AMBRA1: variants seen among roughly 807,000 people sequenced by gnomAD.
The protein encoded by AMBRA1 is activating molecule in BECN1-regulated autophagy protein 1.
In AMBRA1, 47 loss-of-function variants were observed where a neutral mutation model predicts 125.4. That is an observed-to-expected ratio of 0.37 (90% CI 0.30 to 0.48). The LOEUF is 0.48. AMBRA1 is among the 20% of genes least tolerant of loss of function. AMBRA1 has a pLI of 0.99. For missense variants in AMBRA1, 1,331 were observed against 1,693.4 expected (o/e 0.79, Z 3.76); for synonymous variants, 626 against 655.5 (o/e 0.95, Z 0.69).
chr11:46,547,727 T>A (rs1456188703), intron 3 of AMBRA1, 90 bp downstream of exon 3: 6 of 1,322,092 alleles, frequency 4.5e-6, no homozygotes, highest in Non-Finnish European at 5.3e-6. Flanking sequence ...TCAGAGAGAC[T>A]TTAGGGACTG....
chr11:46,476,182 C>T (rs1949804514), intron 11 of AMBRA1, among the ~76,000 whole-genome samples: 1 of 152,214 alleles, frequency 6.6e-6, no homozygotes, highest in African/African-American at 2.4e-5. Flanking sequence ...GAGGGGAAAT[C>T]AGCCAGTCAG....
At position 46,396,471 on chromosome 11, in the gene AMBRA1, G is replaced by GACTA. The variant is rs1945471200; in HGVS notation, c.*975_*978dup. The stretch of plus-strand genomic sequence containing the variant: ...TTTGGTGTTTCCCTCATTAGCTGTA[G>GACTA]ACTATCCCCTCTCCTCCCACCACAA... On this transcript the variant is annotated 3_prime_UTR_variant, in exon 18 of 18. Coordinates refer to ENST00000683756, the MANE Select transcript of AMBRA1 (RefSeq NM_001387011.1). 1 of 152,394 alleles carries GACTA rather than the reference G, an allele frequency of 6.6e-6. No homozygotes were observed. Among genetic ancestry groups the GACTA allele is most frequent in the Admixed American group, 6.6e-5 (1 of 15,264 alleles). 9.4% of individuals were successfully genotyped at this position (152,394 alleles called of 1,614,324 possible). A position where few individuals can be genotyped will look rare whatever the true frequency, so the allele number is the denominator to read the frequency against.
chr11:46,562,858 T>C (rs2043383643), intron 1 of AMBRA1, among the ~76,000 whole-genome samples: 1 of 151,674 alleles, frequency 6.6e-6, no homozygotes, highest in South Asian at 2.1e-4. Context: ...TGGAGTGCAA[T>C]GGCATGATCT....
chr11:46,482,052 T>C (rs1301630610), intron 11 of AMBRA1, among the ~76,000 whole-genome samples: 2 of 152,252 alleles, frequency 1.3e-5, no homozygotes, highest in African/African-American at 4.8e-5. Context: ...TCAGGTAATG[T>C]GATGTGATGT....
At chr11:46,548,126 A>G in intron 2 of AMBRA1, 120 bp downstream of exon 2, 1 of 1,420,234 alleles carries the variant, frequency 7.0e-7, no homozygotes, top group Non-Finnish European at 9.6e-7. Flanking sequence ...CCTAAGTCAG[A>G]TATGTCAACT....
At chr11:46,550,877 G>C (rs1306030213) in intron 1 of AMBRA1, among the ~76,000 whole-genome samples, 1 of 150,002 alleles carries the variant, frequency 6.7e-6, no homozygotes, top group African/African-American at 2.5e-5. Flanking sequence ...GCGAGGTCAG[G>C]AGATCGAGAC....
chr11:46,482,632 T>A (rs1950115294), intron 11 of AMBRA1, among the ~76,000 whole-genome samples: 1 of 152,176 alleles, frequency 6.6e-6, no homozygotes, highest in Admixed American at 6.5e-5. Context: ...TAGCTTTCCC[T>A]TGTTCCTTTG....
At chr11:46,421,212 T>C (rs1394669066) in intron 14 of AMBRA1, among the ~76,000 whole-genome samples, 1 of 152,164 alleles carries the variant, frequency 6.6e-6, no homozygotes, top group Admixed American at 6.5e-5. Context: ...ACCCCCGGGT[T>C]GTTGCTAGCC....
chr11:46,516,713 G>A (rs1285308424), intron 7 of AMBRA1, among the ~76,000 whole-genome samples: 8 of 152,102 alleles, frequency 5.3e-5, no homozygotes, highest in East Asian at 3.9e-4. Flanking sequence ...GATTACAGGC[G>A]TGACCCACTG....
intron 11 of AMBRA1, among the ~76,000 whole-genome samples, chr11:46,444,313 C>T (rs907001507): frequency 6.6e-6 from 1 of 152,168 alleles, no homozygotes; most frequent in Non-Finnish European, 1.5e-5. Flanking sequence ...CTTGTAACAT[C>T]TCCAGGTTTA....
At chr11:46,480,847 T>C (rs1021542457) in intron 11 of AMBRA1, among the ~76,000 whole-genome samples, 1 of 152,220 alleles carries the variant, frequency 6.6e-6, no homozygotes, top group Non-Finnish European at 1.5e-5. Context: ...AAAATTTCAC[T>C]GCCATCCAAC....
chr11:46,547,465 A>G, intron 3 of AMBRA1, 169 bp from the exon 4 acceptor site: 1 of 644,480 alleles, frequency 1.6e-6, no homozygotes, highest in Non-Finnish European at 2.5e-6. Context: ...TCTGATCTTT[A>G]AAAGCTTTTG....
chr11:46,583,650 TCCAAAAAAAAAAA>T (rs1326947535), intron 1 of AMBRA1, among the ~76,000 whole-genome samples: 15 of 18,070 alleles, frequency 8.3e-4, no homozygotes, highest in Admixed American at 3.9e-3. Flanking sequence ...CAAACAAATT[TCCAAAAAAAAAAA>T]AAAAAAAAAA....
At chr11:46,442,114 A>C (rs1417069091) in intron 12 of AMBRA1, among the ~76,000 whole-genome samples, 1 of 150,820 alleles carries the variant, frequency 6.6e-6, no homozygotes, top group Non-Finnish European at 1.5e-5. Flanking sequence ...GGGACTACAG[A>C]TGTACGCCAC....
At chr11:46,572,058 T>A (rs2043782397) in intron 1 of AMBRA1, among the ~76,000 whole-genome samples, 1 of 152,138 alleles carries the variant, frequency 6.6e-6, no homozygotes, top group Admixed American at 6.5e-5. Flanking sequence ...ATCCCAGGAC[T>A]TTGCGAGGCC....
chr11:46,528,581 T>C (rs1952079911), intron 7 of AMBRA1, among the ~76,000 whole-genome samples: 1 of 152,160 alleles, frequency 6.6e-6, no homozygotes, highest in Admixed American at 6.5e-5. Context: ...CCTAAAGTTA[T>C]CAAACTCACA....
At chr11:46,545,807 G>C (rs898286303) in intron 4 of AMBRA1, 31 bp from the exon 5 acceptor site, 3 of 1,607,642 alleles carry the variant, frequency 1.9e-6, no homozygotes, top group African/African-American at 1.3e-5. Context: ...GATATTCTCA[G>C]GTTACAAGCT....
chr11:46,416,832 G>A (rs1200247548), intron 15 of AMBRA1, among the ~76,000 whole-genome samples: 1 of 152,124 alleles, frequency 6.6e-6, no homozygotes, highest in Admixed American at 6.6e-5. Context: ...CAACCTGATC[G>A]GCAGTGAGGC....
At chr11:46,424,963 C>T (rs1332737559) in intron 14 of AMBRA1, among the ~76,000 whole-genome samples, 1 of 151,842 alleles carries the variant, frequency 6.6e-6, no homozygotes, top group African/African-American at 2.4e-5. Flanking sequence ...GGTGAAACCC[C>T]ATCTCTACTA....
Sources: allele counts gnomAD v4.1 joint callset (sites outside exome capture counted in the v4.1 genomes callset), GRCh38; gene constraint gnomAD v4.1.1; transcripts MANE v1.5; gene names NCBI Gene and HGNC (gene_info 2026-07-23, HGNC 2026-07-21).